The following COLEC12 variants were observed in gnomAD, a reference collection of about 807,000 sequenced individuals.
The protein encoded by COLEC12 is collectin subfamily member 12.
COLEC12 carries 33 observed loss-of-function variants against 71.1 expected under a neutral mutation model. The ratio of observed to expected loss-of-function variants is 0.46; its 90% confidence interval spans 0.35 to 0.62. The LOEUF (loss-of-function observed/expected upper bound fraction) is 0.62. Among genes scored for constraint, COLEC12 ranks in the 20% least tolerant of loss-of-function variants. COLEC12 has a pLI of 0.00. For missense variants in COLEC12, 765 were observed against 916.1 expected (o/e 0.84, Z 2.13); for synonymous variants, 350 against 353.0 (o/e 0.99, Z 0.10).
In COLEC12 at chr18:442,554, T is replaced by G. The variant is rs143940844; in HGVS notation, c.58+38153A>C. 4.6e-5 allele frequency among the ~76,000 whole-genome samples: 7 copies of G among 152,374 alleles called. No homozygotes were observed. The East Asian group carries it at 1.3e-3, about 29-fold the overall frequency. On this transcript the variant is annotated intron_variant, in intron 2 of 9. Coordinates refer to ENST00000400256, the MANE Select transcript of COLEC12 (RefSeq NM_130386.3). ...ACTGCTGCTTCTATGTGAGTTCAAG[T>G]TTCCCTTGCCTATGAAACTCTCAGC...
At chr18:462,141 A>C (rs534496754) in intron 2 of COLEC12, among the ~76,000 whole-genome samples, 1 of 152,350 alleles carries the variant, frequency 6.6e-6, no homozygotes, top group Non-Finnish European at 1.5e-5. Flanking sequence ...CAGTTCCTCC[A>C]AAGATTAAAC....
chr18:430,073 C>T (rs760286863), intron 2 of COLEC12, among the ~76,000 whole-genome samples: 5 of 152,122 alleles, frequency 3.3e-5, no homozygotes, highest in African/African-American at 4.8e-5. Flanking sequence ...TCCGGCTGGG[C>T]GTGGTGGCTC....
At chr18:376,084 G>A (rs894510570) in intron 2 of COLEC12, among the ~76,000 whole-genome samples, 1 of 152,084 alleles carries the variant, frequency 6.6e-6, no homozygotes, top group African/African-American at 2.4e-5. Context: ...ACTCCATTCC[G>A]TGCACTAATT....
At chr18:360,687 TG>T (rs1452305666) in intron 2 of COLEC12, among the ~76,000 whole-genome samples, 1 of 152,184 alleles carries the variant, frequency 6.6e-6, no homozygotes, top group Admixed American at 6.5e-5. Flanking sequence ...AAGGCCTAGG[TG>T]GCAACTGGTC....
intron 4 of COLEC12, 104 bp from the exon 5 acceptor site, chr18:347,445 T>G: frequency 2.1e-6 from 2 of 947,292 alleles, no homozygotes; most frequent in Admixed American, 2.3e-5. Flanking sequence ...GTATTTTAGA[T>G]GCAAAATTGG....
Position 334,779 on chromosome 18 carries a change from G to A in COLEC12, c.1779C>T (p.Ala593=). 1.3e-6 allele frequency: 2 copies of A among 1,486,738 alleles called. No homozygotes were observed. Among genetic ancestry groups the A allele is most frequent in the Non-Finnish European group, 1.8e-6 (2 of 1,124,766 alleles). The allele number at this position is 1,486,738 out of a possible 1,614,324, so 92.1% of individuals were successfully genotyped here. ...GTGCTGGGGTTGGCTCATTCTGCAG[G>A]GCCAGGGGCACCACCGCTCCTGATG... ...PGPSGAVVPL[A]LQNEPTPAPE... is the part of the protein sequence containing the mutation. The change falls in exon 6 of 10, where the codon GCC becomes GCT. Residue 593 remains alanine (A), a synonymous_variant. Transcript: ENST00000400256.
chr18:377,112 C>T (rs1054009954), intron 2 of COLEC12, among the ~76,000 whole-genome samples: 3 of 152,186 alleles, frequency 2.0e-5, no homozygotes, highest in Admixed American at 2.0e-4. Context: ...GGACGGAGGA[C>T]CTGGTGGTGC....
At chr18:412,818 C>T (rs183198864) in intron 2 of COLEC12, among the ~76,000 whole-genome samples, 216 of 152,266 alleles carry the variant, frequency 1.4e-3, no homozygotes, top group African/African-American at 4.8e-3. Flanking sequence ...TGCAAAGGGA[C>T]TCACTAGAAA....
At chr18:413,254 A>G (rs1298546073) in intron 2 of COLEC12, among the ~76,000 whole-genome samples, 2 of 152,234 alleles carry the variant, frequency 1.3e-5, no homozygotes, top group African/African-American at 4.8e-5. Context: ...AAGATATTCA[A>G]CATCACTAGC....
chr18:333,066 T>G lies in COLEC12; in HGVS notation c.1894A>C (p.Lys632Gln), dbSNP rs748779809. ...SVEKEIFEDA[K>Q]LFCEDKSSHL... ...GAAGACTTGTCTTCACAGAAAAGCT[T>G]TGCATCCTCAAAAATTTCTTTCTCA... is the stretch of plus-strand genomic sequence containing the variant. The change falls in exon 7 of 10, where the codon AAG (lysine) becomes CAG (glutamine). Residue 632 changes from lysine (K) to glutamine (Q), a missense_variant. By Grantham distance (53) the Lys-to-Gln change is moderately conservative. Coordinates refer to ENST00000400256, the MANE Select transcript of COLEC12 (RefSeq NM_130386.3). 1.2e-6 allele frequency: 2 copies of G among 1,612,686 alleles called. No homozygotes were observed. Among genetic ancestry groups the G allele is most frequent in the Non-Finnish European group, 1.7e-6 (2 of 1,179,440 alleles).
chr18:455,419 A>G (rs1249487320), intron 2 of COLEC12, among the ~76,000 whole-genome samples: 2 of 151,940 alleles, frequency 1.3e-5, no homozygotes, highest in African/African-American at 4.8e-5. Flanking sequence ...CTGGGACTAC[A>G]GGTGCCCGCC....
intron 1 of COLEC12, among the ~76,000 whole-genome samples, chr18:487,524 C>A (rs1415711350): frequency 6.6e-6 from 1 of 152,144 alleles, no homozygotes; most frequent in African/African-American, 2.4e-5. Context: ...TGTGTGACTG[C>A]CCCTCCCTAA....
At chr18:430,962 C>T (rs922020939) in intron 2 of COLEC12, among the ~76,000 whole-genome samples, 3 of 152,098 alleles carry the variant, frequency 2.0e-5, no homozygotes. Flanking sequence ...CATATAGGAA[C>T]TATGGCTGTG....
At chr18:418,286 C>A (rs982844116) in intron 2 of COLEC12, among the ~76,000 whole-genome samples, 51 of 152,268 alleles carry the variant, frequency 3.3e-4, no homozygotes, top group African/African-American at 1.1e-3. Flanking sequence ...AATAAAGGAT[C>A]TTTTCTTCAT....
intron 2 of COLEC12, among the ~76,000 whole-genome samples, chr18:475,025 G>C (rs571920061): frequency 6.6e-6 from 1 of 152,148 alleles, no homozygotes; most frequent in Admixed American, 6.5e-5. Flanking sequence ...AGTGAGCCGA[G>C]ATCGCGCCAC....
intron 2 of COLEC12, among the ~76,000 whole-genome samples, chr18:465,813 C>T (rs1917073888): frequency 1.3e-5 from 2 of 152,304 alleles, no homozygotes; most frequent in Non-Finnish European, 2.9e-5. Context: ...TGGCTCACAC[C>T]TGTAATCCCA....
chr18:352,546 G>A (rs1415985051), intron 3 of COLEC12, among the ~76,000 whole-genome samples: 2 of 152,128 alleles, frequency 1.3e-5, no homozygotes, highest in Non-Finnish European at 2.9e-5. Context: ...GTTTTCTTCT[G>A]TGCAGCAAAA....
chr18:322,655 G>A lies in COLEC12; in HGVS notation c.2064-848C>T, dbSNP rs551321302. ...AGCAGATTCATGCACAGAAGCTTGT[G>A]GCTGCTGCCTGAGAGGACAAGCCTG... On this transcript the variant is annotated intron_variant, in intron 8 of 9. Transcript: ENST00000400256. Among the ~76,000 whole-genome samples the A allele has an allele frequency of 9.2e-5, 14 of 152,304 alleles. No individual in the cohort carries two copies. The South Asian group carries it at 2.5e-3, about 27-fold the overall frequency.
intron 2 of COLEC12, among the ~76,000 whole-genome samples, chr18:388,827 G>A (rs1228359291): frequency 6.6e-6 from 1 of 152,192 alleles, no homozygotes; most frequent in African/African-American, 2.4e-5. Flanking sequence ...TGGCAATGAA[G>A]AGGTGGATCT....
Sources: allele counts gnomAD v4.1 joint callset (sites outside exome capture counted in the v4.1 genomes callset), GRCh38; gene constraint gnomAD v4.1.1; transcripts MANE v1.5; gene names NCBI Gene and HGNC (gene_info 2026-07-23, HGNC 2026-07-21).